Variants in CAST observed in about 807,000 individuals in gnomAD.
CAST encodes the protein calpastatin.
CAST carries 76 observed loss-of-function variants against 119.6 expected under a neutral mutation model. The observed-to-expected ratio is 0.64, with a 90% CI of 0.53 to 0.77. The LOEUF is 0.77. Among genes scored for constraint, CAST ranks in the 30% least tolerant of loss-of-function variants. The pLI is 0.00. For missense variants in CAST, 953 were observed against 946.5 expected (o/e 1.01, Z -0.09); for synonymous variants, 319 against 331.6 (o/e 0.96, Z 0.41).
chr5:96,222,018 C>T, the CAST span, among the ~76,000 whole-genome samples: 3 of 152,054 alleles, frequency 2.0e-5, no homozygotes, highest in Non-Finnish European at 4.4e-5. Context: ...AAAGGACATG[C>T]TTTTTAATAA....
chr5:96,423,452 G>A, the CAST span: 1 of 1,613,874 alleles, frequency 6.2e-7, no homozygotes, highest in African/African-American at 1.3e-5. Context: ...CGTCATCCTG[G>A]TATCTTGCTG....
At chr5:96,432,922 C>T in the CAST span, 65 of 1,614,050 alleles carry the variant, frequency 4.0e-5, no homozygotes, top group Non-Finnish European at 6.8e-6. Context: ...TCCGGGCCCC[C>T]GGGGATCTCC....
At chr5:96,183,589 C>A in the CAST span, among the ~76,000 whole-genome samples, 5 of 150,606 alleles carry the variant, frequency 3.3e-5, no homozygotes, top group African/African-American at 1.2e-4. Context: ...ATTTTTTTTT[C>A]CACATATTTA....
At chr5:96,331,368 G>T in the CAST span, among the ~76,000 whole-genome samples, 1 of 152,194 alleles carries the variant, frequency 6.6e-6, no homozygotes, top group Non-Finnish European at 1.5e-5. Context: ...TGACAAAGGG[G>T]AAGTATGTGG....
chr5:96,167,844 G>T, the CAST span, among the ~76,000 whole-genome samples: 1 of 152,208 alleles, frequency 6.6e-6, no homozygotes, highest in African/African-American at 2.4e-5. Context: ...TCAATTTGCC[G>T]GTCCTGGGCG....
intron 1 of CAST, among the ~76,000 whole-genome samples, chr5:96,666,278 A>ACACACG (rs1342666281): frequency 6.8e-6 from 1 of 147,838 alleles, no homozygotes; most frequent in Non-Finnish European, 1.5e-5. Flanking sequence ...ACACACACAC[A>ACACACG]CCACACAACT....
chr5:95,964,421 T>C, the CAST span, among the ~76,000 whole-genome samples: 1 of 152,194 alleles, frequency 6.6e-6, no homozygotes, highest in African/African-American at 2.4e-5. Flanking sequence ...AATTAAACTG[T>C]AAAGTCTCTA....
chr5:96,596,786 TCA>T (rs1747057533), intron 1 of CAST, among the ~76,000 whole-genome samples: 1 of 152,186 alleles, frequency 6.6e-6, no homozygotes, highest in East Asian at 1.9e-4. Context: ...AGGTTTTTTC[TCA>T]CAGTCTGGAG....
the CAST span, among the ~76,000 whole-genome samples, chr5:96,181,098 T>A: frequency 1.3e-5 from 2 of 152,182 alleles, no homozygotes; most frequent in Non-Finnish European, 2.9e-5. Flanking sequence ...AGAAAGGAAG[T>A]CATGGGATGT....
the CAST span, among the ~76,000 whole-genome samples, chr5:96,363,885 G>A: frequency 6.6e-6 from 1 of 152,214 alleles, no homozygotes. Flanking sequence ...TAGGAGTGTT[G>A]AGAGAGGGCA....
the CAST span, chr5:96,397,585 TTTAGTA>T: frequency 2.4e-3 from 2,367 of 966,278 alleles, 47 homozygotes; most frequent in African/African-American, 0.035. Flanking sequence ...AATTTTCTCT[TTTAGTA>T]TAAGACCAGG....
intron 1 of CAST, among the ~76,000 whole-genome samples, chr5:96,648,718 G>A (rs1430572291): frequency 7.0e-5 from 2 of 28,670 alleles, no homozygotes; most frequent in African/African-American, 1.7e-4. Flanking sequence ...ATATATATGC[G>A]TGTGTGTGTG....
the CAST span, among the ~76,000 whole-genome samples, chr5:96,189,239 T>C: frequency 2.0e-5 from 3 of 152,220 alleles, no homozygotes; most frequent in East Asian, 1.9e-4. Context: ...TGTTGAAGTA[T>C]GTTTGCAAGT....
chr5:96,215,004 C>T, the CAST span: 1 of 152,052 alleles, frequency 6.6e-6, no homozygotes, highest in African/African-American at 2.4e-5. Context: ...ATGTAGTAGC[C>T]ACTGTAAGAA....
the CAST span, among the ~76,000 whole-genome samples, chr5:96,165,332 GAT>G: frequency 6.6e-6 from 1 of 152,118 alleles, no homozygotes; most frequent in Non-Finnish European, 1.5e-5. Context: ...CAGAGGGGTA[GAT>G]AGACTAAGGA....
At chr5:96,155,043 A>G in the CAST span, among the ~76,000 whole-genome samples, 2 of 152,278 alleles carry the variant, frequency 1.3e-5, no homozygotes, top group Middle Eastern at 3.4e-3. Context: ...TGCATGGGAG[A>G]TGGATCTCTT....
At chr5:96,556,073 C>T (rs1411449497) in intron 1 of CAST, among the ~76,000 whole-genome samples, 1 of 152,240 alleles carries the variant, frequency 6.6e-6, no homozygotes, top group Admixed American at 6.5e-5. Flanking sequence ...GTTCTGCAGC[C>T]TCCGCTGCTT....
the CAST span, among the ~76,000 whole-genome samples, chr5:96,320,373 G>A: frequency 2.6e-5 from 4 of 151,794 alleles, no homozygotes; most frequent in African/African-American, 9.7e-5. Context: ...GAGTAGCTGG[G>A]ATTATAGGCG....
the CAST span, chr5:96,393,395 C>A: frequency 6.2e-7 from 1 of 1,613,192 alleles, no homozygotes; most frequent in Non-Finnish European, 8.5e-7. Flanking sequence ...CATAGAATGC[C>A]ATCCACAAAG....
Sources: gnomAD v4.1 joint callset for allele counts (sites outside exome capture counted in the v4.1 genomes callset) on GRCh38, gnomAD v4.1.1 for gene constraint, MANE v1.5 for transcripts, NCBI Gene and HGNC (gene_info 2026-07-23, HGNC 2026-07-21) for gene names.